Variants in ACAA2 observed in about 807,000 individuals in gnomAD.
The protein encoded by ACAA2 is 3-ketoacyl-CoA thiolase, mitochondrial.
In ACAA2, 35 loss-of-function variants were observed where a neutral mutation model predicts 44.8. The observed-to-expected ratio is 0.78, with a 90% CI of 0.60 to 1.04. ACAA2 has a LOEUF of 1.04. Among genes scored for constraint, ACAA2 ranks in the 50% least tolerant of loss-of-function variants. ACAA2 has a pLI of 0.00. For synonymous variants in ACAA2, 142 were observed against 166.5 expected (o/e 0.85, Z 1.13); for missense variants, 468 against 482.6 (o/e 0.97, Z 0.28).
chr18:49,800,093 C>T (rs1476309442), intron 2 of ACAA2, among the ~76,000 whole-genome samples: 2 of 148,502 alleles, frequency 1.3e-5, no homozygotes, highest in Admixed American at 6.7e-5. Flanking sequence ...TGGGGGTCAG[C>T]CCCCACCAGG....
At chr18:49,803,167 A>T (rs2023575034) in intron 1 of ACAA2, among the ~76,000 whole-genome samples, 1 of 151,650 alleles carries the variant, frequency 6.6e-6, no homozygotes, top group South Asian at 2.1e-4. Flanking sequence ...GAAAAAAGCA[A>T]AAAGTTAAAA....
intron 8 of ACAA2, 107 bp from the exon 9 acceptor site, chr18:49,785,458 T>G: frequency 9.3e-7 from 1 of 1,072,512 alleles, no homozygotes. Flanking sequence ...TTCTTCCTAT[T>G]TAAATTACCT....
intron 3 of ACAA2, 62 bp downstream of exon 3, chr18:49,797,404 G>T: frequency 6.7e-7 from 1 of 1,483,280 alleles, no homozygotes; most frequent in Non-Finnish European, 9.2e-7. Context: ...TATTGCAGTG[G>T]GACATTTCTT....
chr18:49,786,559 A>C (rs1199553959), intron 8 of ACAA2: 1 of 152,210 alleles, frequency 6.6e-6, no homozygotes, highest in East Asian at 1.9e-4. Flanking sequence ...AGGAAATCAC[A>C]CCTGTGCCTA....
chr18:49,791,778 T>C (rs998099308), intron 6 of ACAA2, among the ~76,000 whole-genome samples, 179 bp from the exon 7 acceptor site: 2 of 151,848 alleles, frequency 1.3e-5, no homozygotes, highest in African/African-American at 4.8e-5. Context: ...AGGCACAGAA[T>C]ACAACTTTAC....
chr18:49,797,850 C>T (rs1159599064), intron 2 of ACAA2, among the ~76,000 whole-genome samples: 1 of 151,746 alleles, frequency 6.6e-6, no homozygotes, highest in Non-Finnish European at 1.5e-5. Flanking sequence ...ATCATTGTAA[C>T]CATTTTTAAG....
At chr18:49,792,390 ATAT>A (rs1311396570) in intron 5 of ACAA2, 63 bp from the exon 6 acceptor site, 24 of 1,358,806 alleles carry the variant, frequency 1.8e-5, no homozygotes, top group East Asian at 2.4e-5. Flanking sequence ...TAAATCAAAC[ATAT>A]TATTCAATTT....
rs537696708 is a variant in ACAA2 at position 49,798,605 on chromosome 18, T to A, written c.184-1011A>T. ...AAGGTACGGGGTTTTAGGATGTTCA[T>A]TGTACTATTCTTTTAACTTTTGTGT... On this transcript the variant is annotated intron_variant, in intron 2 of 9. Transcript: ENST00000285093. Among the ~76,000 whole-genome samples, 6 of 152,294 alleles carry A rather than the reference T, an allele frequency of 3.9e-5. No homozygotes were observed. The East Asian group carries it at 9.7e-4, about 25-fold the overall frequency.
At position 49,792,251 on chromosome 18, in the gene ACAA2, C is replaced by G. The variant is rs1214008464; in HGVS notation, c.654G>C (p.Gln218His). ...TTTGGGGCCGAGCATGCTCGTCTACCTGCATTGTCTGTTTTCCTTTCTTTG... is the reference window on the plus strand; with the variant it reads ...TTTGGGGCCGAGCATGCTCGTCTACGTGCATTGTCTGTTTTCCTTTCTTTG... ...VKTKKGKQTM[Q>H]VDEHARPQTT... Residue 218 changes from glutamine to histidine, a missense_variant, in exon 6 of 10, where the codon CAG becomes CAC. Physicochemically the swap from Gln to His is conservative, Grantham distance 24 (BLOSUM62 0). Transcript: ENST00000285093. The G allele has an allele frequency of 6.2e-7, 1 of 1,613,806 alleles. No homozygotes were observed. The highest frequency in any genetic ancestry group is 1.7e-5 in the Admixed American group (1 of 60,020).
chr18:49,791,496 CCAGATA>C lies in ACAA2; in HGVS notation c.851_856del (p.Val284_Ser285del), dbSNP rs771812881. The C allele has an allele frequency of 1.9e-6, 3 of 1,612,072 alleles. No individual in the cohort carries two copies. Among genetic ancestry groups the C allele is most frequent in the Middle Eastern group, 2.1e-4 (1 of 4,676 alleles). The stretch of plus-strand genomic sequence containing the variant: ...AATACCCATGATAGAGGGATCACAT[CCAGATA>C]CAAAGTAGCCCACAATTCTTGCCAG... On this transcript the variant is annotated inframe_deletion, in exon 7 of 10. Transcript: ENST00000285093.
intron 7 of ACAA2, 118 bp downstream of exon 7, chr18:49,791,352 C>T: frequency 1.1e-6 from 1 of 902,130 alleles, no homozygotes; most frequent in South Asian, 1.8e-5. Context: ...AAACTGATTA[C>T]CAATCTTCTT....
chr18:49,792,664 C>T (rs2023417796), intron 5 of ACAA2, among the ~76,000 whole-genome samples: 1 of 151,932 alleles, frequency 6.6e-6, no homozygotes, highest in East Asian at 1.9e-4. Context: ...GCCATGCTAG[C>T]CTCGAACTCA....
intron 1 of ACAA2, among the ~76,000 whole-genome samples, chr18:49,809,432 A>G (rs1247326464): frequency 6.6e-6 from 1 of 152,358 alleles, no homozygotes; most frequent in East Asian, 1.9e-4. Context: ...TTCCTCTGCC[A>G]CAGCTCTAGC....
At chr18:49,808,522 CAGAA>C (rs1218979937) in intron 1 of ACAA2, among the ~76,000 whole-genome samples, 7 of 152,098 alleles carry the variant, frequency 4.6e-5, no homozygotes, top group Non-Finnish European at 1.0e-4. Context: ...GTCTGAGAAA[CAGAA>C]AGAGTACAAA....
intron 8 of ACAA2, chr18:49,785,999 T>TA (rs985322994): frequency 2.6e-5 from 4 of 152,216 alleles, no homozygotes; most frequent in African/African-American, 9.7e-5. Flanking sequence ...ATGTTATACT[T>TA]ACACAAACTG....
intron 4 of ACAA2, among the ~76,000 whole-genome samples, chr18:49,795,391 G>A (rs563151149): frequency 2.3e-4 from 35 of 152,244 alleles, no homozygotes; most frequent in African/African-American, 7.2e-4. Flanking sequence ...TATAAGTCAC[G>A]TTAAAGATTT....
intron 6 of ACAA2, 113 bp downstream of exon 6, chr18:49,792,039 G>A: frequency 1.2e-6 from 1 of 803,938 alleles, no homozygotes; most frequent in Non-Finnish European, 1.9e-6. Flanking sequence ...AACACTATTA[G>A]TTTAAGCTAA....
chr18:49,797,394 T>C (rs1243361493), intron 3 of ACAA2, 72 bp downstream of exon 3: 1 of 1,419,130 alleles, frequency 7.0e-7, no homozygotes, highest in East Asian at 2.3e-5. Flanking sequence ...TAAAGTGTTA[T>C]ATTGCAGTGG....
intron 2 of ACAA2, among the ~76,000 whole-genome samples, chr18:49,801,817 T>TATATATATATATATATATATATA (rs1355529754): frequency 7.2e-6 from 1 of 139,658 alleles, no homozygotes; most frequent in Non-Finnish European, 1.6e-5. Context: ...TATATATATC[T>TATATATATATATATATATATATA]TATCTTTTTC....
Sources: gnomAD v4.1 joint callset for allele counts (sites outside exome capture counted in the v4.1 genomes callset) on GRCh38, gnomAD v4.1.1 for gene constraint, MANE v1.5 for transcripts, NCBI Gene and HGNC (gene_info 2026-07-23, HGNC 2026-07-21) for gene names.